The following AARSD1 variants were observed in gnomAD, a reference collection of about 807,000 sequenced individuals.
The protein encoded by AARSD1 is alanyl-tRNA editing protein Aarsd1.
A neutral mutation model predicts 48.7 loss-of-function variants in AARSD1; 44 were observed. That is an observed-to-expected ratio of 0.90 (90% CI 0.71 to 1.16). The LOEUF is 1.16. Among genes scored for constraint, AARSD1 ranks in the 50% most tolerant of loss-of-function variants. The pLI, the probability that AARSD1 is intolerant of heterozygous loss-of-function variation, is 0.00. For missense variants in AARSD1, 511 were observed against 523.1 expected (o/e 0.98, Z 0.23); for synonymous variants, 189 against 194.9 (o/e 0.97, Z 0.25).
Position 42,950,745 on chromosome 17 carries a change from T to C in AARSD1, c.1104-17A>G, listed in dbSNP as rs1336652779. 1 of 1,604,634 alleles carries C rather than the reference T, an allele frequency of 6.2e-7. No individual in the cohort carries two copies. Among genetic ancestry groups the C allele is most frequent in the Non-Finnish European group, 8.5e-7 (1 of 1,177,150 alleles). On this transcript the variant is annotated splice_polypyrimidine_tract_variant and intron_variant, in intron 11 of 11. Transcript: ENST00000427569. ...TCAGCCACCCTGGGGAACAGAGGTA[T>C]AGTCAGGGAGACTTTGAGGGAAAAG... is the stretch of plus-strand genomic sequence containing the variant.
chr17:42,961,450 C>T (rs2049637021), intron 2 of AARSD1, 99 bp from the exon 3 acceptor site: 1 of 1,549,652 alleles, frequency 6.5e-7, no homozygotes, highest in Admixed American at 2.1e-5. Flanking sequence ...AATCTGGGCT[C>T]CCTAAGGGAG....
intron 10 of AARSD1, among the ~76,000 whole-genome samples, chr17:42,953,285 T>C (rs1247581766): frequency 6.6e-6 from 1 of 151,918 alleles, no homozygotes; most frequent in Non-Finnish European, 1.5e-5. Flanking sequence ...TGGCCTGATT[T>C]TTCTATTTTT....
intron 4 of AARSD1, among the ~76,000 whole-genome samples, 162 bp downstream of exon 4, chr17:42,956,976 T>TC (rs1225461342): frequency 2.0e-5 from 3 of 148,662 alleles, no homozygotes; most frequent in African/African-American, 7.4e-5. Flanking sequence ...CTTTTTTTTT[T>TC]TTTTTTTTAA....
In AARSD1 at chr17:42,951,889, G is replaced by C; in HGVS notation, c.1014C>G (p.Thr338=). The C allele has an allele frequency of 1.2e-6, 2 of 1,613,460 alleles. No homozygotes were observed. The highest frequency in any genetic ancestry group is 2.2e-5 in the East Asian group (1 of 44,876). The change falls in exon 11 of 12, where the codon ACC becomes ACG. Residue 338 remains threonine (T), a synonymous_variant. Transcript: ENST00000427569. ...IIANEIGSEE[T]LLFLTVGDEK... is the part of the protein sequence containing the mutation. ...CATCGCCCACAGTTAAGAACAGGAG[G>C]GTCTCCTAGGAGGTAAGACAAGGAG...
Position 42,952,714 on chromosome 17 carries a change from T to C in AARSD1, c.1009-820A>G, listed in dbSNP as rs1354801848. Among the ~76,000 whole-genome samples, 3 of 151,080 alleles carry C rather than the reference T, an allele frequency of 2.0e-5. No homozygotes were observed. In the East Asian group the frequency reaches 5.8e-4, roughly 29 times the overall value. On this transcript the variant is annotated intron_variant, in intron 10 of 11. Transcript: ENST00000427569. ...AACAAACAAACAAAAGACCTGGAAATCTCTAGGCTAGAGACCATCAGGAGT... is the reference window on the plus strand; with the variant it reads ...AACAAACAAACAAAAGACCTGGAAACCTCTAGGCTAGAGACCATCAGGAGT...
At chr17:42,961,000 C>G in intron 3 of AARSD1, 192 bp downstream of exon 3, 1 of 939,290 alleles carries the variant, frequency 1.1e-6, no homozygotes, top group East Asian at 2.9e-5. Flanking sequence ...TATTCTAATA[C>G]TTTTTTTTAC....
chr17:42,955,326 A>G, intron 7 of AARSD1, 102 bp from the exon 8 acceptor site: 1 of 1,409,086 alleles, frequency 7.1e-7, no homozygotes, highest in Admixed American at 2.0e-5. Context: ...GCCTCCCTGC[A>G]GTCAGGGACC....
Position 42,951,832 on chromosome 17 carries a change from C to T in AARSD1, c.1071G>A (p.Gly357=). 1.2e-6 allele frequency: 2 copies of T among 1,614,142 alleles called. No individual in the cohort carries two copies. The highest frequency in any genetic ancestry group is 1.7e-6 in the Non-Finnish European group (2 of 1,180,022). The change falls in exon 11 of 12, where the codon GGG becomes GGA. Residue 357 remains glycine, a synonymous_variant. Coordinates refer to ENST00000427569, the MANE Select transcript of AARSD1 (RefSeq NM_001261434.2). ...EKGGGLFLLA[G]PPASVETLGP... is the part of the protein sequence containing the mutation. ...CCAGGGTCTCCACAGACGCAGGTGG[C>T]CCTGCCAGTAAGAAGAGTCCACCAC...
At chr17:42,953,969 A>G in intron 9 of AARSD1, 191 bp from the exon 10 acceptor site, 1 of 646,664 alleles carries the variant, frequency 1.5e-6, no homozygotes, top group South Asian at 1.9e-5. Context: ...TTTGTAATCA[A>G]CCTCCAGGTT....
intron 11 of AARSD1, among the ~76,000 whole-genome samples, chr17:42,951,190 T>C (rs778372841): frequency 3.3e-5 from 5 of 152,086 alleles, no homozygotes; most frequent in African/African-American, 4.8e-5. Context: ...CACAAAGATA[T>C]ATGTACCATC....
At position 42,951,780 on chromosome 17, in the gene AARSD1, G is replaced by GA. The variant is rs1567714422; in HGVS notation, c.1103+19dup. On this transcript the variant is annotated intron_variant, in intron 11 of 11. Coordinates refer to ENST00000427569, the MANE Select transcript of AARSD1 (RefSeq NM_001261434.2). ...GATACAGGCTCTACTACATGTGCAA[G>GA]AGAGTCCACAAAGAATTACCTGGGC... The GA allele has an allele frequency of 3.1e-6, 5 of 1,613,048 alleles. No individual in the cohort carries two copies. The highest frequency in any genetic ancestry group is 3.4e-6 in the Non-Finnish European group (4 of 1,179,094).
chr17:42,951,251 CTAGA>C (rs2049475437), intron 11 of AARSD1, among the ~76,000 whole-genome samples: 1 of 151,778 alleles, frequency 6.6e-6, no homozygotes, highest in African/African-American at 2.4e-5. Flanking sequence ...ATGAATTGGG[CTAGA>C]TAAATTATGT....
chr17:42,959,196 CAAAAAAAAAAAAA>C (rs1196945159), intron 3 of AARSD1, among the ~76,000 whole-genome samples: 1 of 59,964 alleles, frequency 1.7e-5, no homozygotes, highest in African/African-American at 6.6e-5. Flanking sequence ...GACTTTGTCT[CAAAAAAAAAAAAA>C]AAAAAAAAAA....
intron 9 of AARSD1, among the ~76,000 whole-genome samples, chr17:42,954,580 G>A (rs987449668): frequency 2.6e-5 from 4 of 151,916 alleles, no homozygotes; most frequent in African/African-American, 9.7e-5. Flanking sequence ...GACTACAGGC[G>A]CGTACTACCA....
intron 4 of AARSD1, among the ~76,000 whole-genome samples, 154 bp from the exon 5 acceptor site, chr17:42,956,714 C>A (rs2049559782): frequency 7.3e-6 from 1 of 137,916 alleles, no homozygotes; most frequent in Non-Finnish European, 1.5e-5. Flanking sequence ...GTCGCCCAGG[C>A]TGGAGTGCAG....
At chr17:42,959,407 G>A (rs573968859) in intron 3 of AARSD1, among the ~76,000 whole-genome samples, 1 of 151,598 alleles carries the variant, frequency 6.6e-6, no homozygotes, top group East Asian at 2.0e-4. Flanking sequence ...GTAGAGACAG[G>A]GTTTCACAAT....
At position 42,957,197 on chromosome 17, in the gene AARSD1, T is replaced by C; in HGVS notation, c.332-2A>G. On this transcript the variant is annotated splice_acceptor_variant, in intron 3 of 11. Coordinates refer to ENST00000427569, the MANE Select transcript of AARSD1 (RefSeq NM_001261434.2). LOFTEE classifies it high-confidence loss of function. ...CAACTGCCGTGATGAGATGCTGCCC[T>C]AAGCAAAGAGAGCCAGAGACAGGAG... The C allele has an allele frequency of 1.2e-6, 2 of 1,613,674 alleles. No individual in the cohort carries two copies. The highest frequency in any genetic ancestry group is 8.5e-7 in the Non-Finnish European group (1 of 1,179,844).
Position 42,951,797 on chromosome 17 carries a change from T to C in AARSD1, c.1103+3A>G, listed in dbSNP as rs1422481954. 1 of 1,614,050 alleles carries C rather than the reference T, an allele frequency of 6.2e-7. No individual in the cohort carries two copies. The highest frequency in any genetic ancestry group is 1.1e-5 in the South Asian group (1 of 91,070). ...ATGTGCAAGAGAGTCCACAAAGAAT[T>C]ACCTGGGCCCCAGGGTCTCCACAGA... On this transcript the variant is annotated splice_donor_region_variant and intron_variant, in intron 11 of 11. Transcript: ENST00000427569.
chr17:42,951,836 G>T lies in AARSD1; in HGVS notation c.1067C>A (p.Ala356Glu), dbSNP rs752235922. 5 of 1,614,052 alleles carry T rather than the reference G, an allele frequency of 3.1e-6. No individual in the cohort carries two copies. The highest frequency in any genetic ancestry group is 4.2e-6 in the Non-Finnish European group (5 of 1,180,030). Residue 356 changes from alanine (A) to glutamate (E), a missense_variant, in exon 11 of 12, where the codon GCA becomes GAA. Coordinates refer to ENST00000427569, the MANE Select transcript of AARSD1 (RefSeq NM_001261434.2). ...GGTCTCCACAGACGCAGGTGGCCCTGCCAGTAAGAAGAGTCCACCACCTTT... is the reference window on the plus strand; with the variant it reads ...GGTCTCCACAGACGCAGGTGGCCCTTCCAGTAAGAAGAGTCCACCACCTTT... ...DEKGGGLFLLAGPPASVETLG... is the reference protein window; with the variant it reads ...DEKGGGLFLLEGPPASVETLG...
Sources: gnomAD v4.1 joint callset for allele counts (sites outside exome capture counted in the v4.1 genomes callset) on GRCh38, gnomAD v4.1.1 for gene constraint, MANE v1.5 for transcripts, NCBI Gene and HGNC (gene_info 2026-07-23, HGNC 2026-07-21) for gene names.